The following SKAP1 variants were observed in gnomAD, a reference collection of about 807,000 sequenced individuals.
SKAP1 encodes the protein src kinase-associated phosphoprotein 1.
A neutral mutation model predicts 58.5 loss-of-function variants in SKAP1; 44 were observed. The observed-to-expected ratio is 0.75, with a 90% confidence interval of 0.59 to 0.97. The LOEUF (loss-of-function observed/expected upper bound fraction) is 0.97, where lower values mean the gene tolerates loss of function less well. SKAP1 is among the 50% of genes least tolerant of loss of function. The pLI, the probability that SKAP1 is intolerant of heterozygous loss-of-function variation, is 0.00. For synonymous variants in SKAP1, 127 were observed against 149.7 expected (o/e 0.85, Z 1.11); for missense variants, 390 against 435.2 (o/e 0.90, Z 0.92).
intron 4 of SKAP1, among the ~76,000 whole-genome samples, chr17:48,254,353 T>C (rs1256190545): frequency 3.3e-5 from 5 of 152,214 alleles, no homozygotes; most frequent in Non-Finnish European, 5.9e-5. Context: ...CATTATTAAT[T>C]GCCATTTACT....
At chr17:48,312,587 C>G (rs192974789) in intron 4 of SKAP1, among the ~76,000 whole-genome samples, 1 of 152,130 alleles carries the variant, frequency 6.6e-6, no homozygotes, top group Non-Finnish European at 1.5e-5. Context: ...CATGCAAGAG[C>G]TTATGGTCAA....
At chr17:48,254,716 A>G (rs2065404255) in intron 4 of SKAP1, among the ~76,000 whole-genome samples, 1 of 151,154 alleles carries the variant, frequency 6.6e-6, no homozygotes, top group South Asian at 2.1e-4. Context: ...GAAGAAAAGT[A>G]GATTTATTTA....
At chr17:48,226,126 T>G (rs1236370971) in intron 4 of SKAP1, among the ~76,000 whole-genome samples, 1 of 152,230 alleles carries the variant, frequency 6.6e-6, no homozygotes, top group African/African-American at 2.4e-5. Context: ...GCTGACAGCC[T>G]GTAATGGTAC....
At chr17:48,400,176 G>T (rs964307229) in intron 1 of SKAP1, among the ~76,000 whole-genome samples, 12 of 148,712 alleles carry the variant, frequency 8.1e-5, no homozygotes, top group Admixed American at 7.5e-4. Context: ...TCAGCTCACT[G>T]CAACCTCTGG....
the SKAP1 span, among the ~76,000 whole-genome samples, chr17:48,439,235 C>T: frequency 6.6e-6 from 1 of 152,212 alleles, no homozygotes; most frequent in African/African-American, 2.4e-5. Flanking sequence ...TGATATTTTG[C>T]ATCATGAGAC....
At chr17:48,145,819 C>T (rs888232703) in intron 11 of SKAP1, among the ~76,000 whole-genome samples, 1 of 152,136 alleles carries the variant, frequency 6.6e-6, no homozygotes, top group Non-Finnish European at 1.5e-5. Flanking sequence ...AATGACCATC[C>T]TGTCTTGGGA....
intron 4 of SKAP1, among the ~76,000 whole-genome samples, chr17:48,282,547 G>A (rs1262328553): frequency 1.3e-5 from 2 of 152,170 alleles, no homozygotes; most frequent in South Asian, 2.1e-4. Context: ...GCCAAGGCAG[G>A]AGGATTGCTT....
intron 4 of SKAP1, among the ~76,000 whole-genome samples, chr17:48,262,414 G>C (rs2065495544): frequency 6.6e-6 from 1 of 152,090 alleles, no homozygotes; most frequent in African/African-American, 2.4e-5. Context: ...GGTTTTTTGG[G>C]GGGGAAGTTT....
At chr17:48,147,087 G>A (rs938546875) in intron 11 of SKAP1, among the ~76,000 whole-genome samples, 12 of 152,148 alleles carry the variant, frequency 7.9e-5, no homozygotes, top group South Asian at 2.1e-4. Context: ...CCAAGTCTCC[G>A]TGGAACAAGA....
chr17:48,220,852 C>CAAA (rs56006389), intron 4 of SKAP1, among the ~76,000 whole-genome samples: 21 of 83,622 alleles, frequency 2.5e-4, no homozygotes, highest in African/African-American at 5.0e-4. Context: ...GACTCCATCT[C>CAAA]AAAAAAAAAA....
chr17:48,379,328 A>T (rs1348066696), intron 2 of SKAP1, among the ~76,000 whole-genome samples: 1 of 152,238 alleles, frequency 6.6e-6, no homozygotes, highest in Non-Finnish European at 1.5e-5. Flanking sequence ...TTACTGACAT[A>T]GATTAATTGA....
intron 4 of SKAP1, chr17:48,344,318 G>A (rs2144323105): frequency 2.2e-6 from 1 of 462,916 alleles, no homozygotes; most frequent in African/African-American, 2.1e-5. Flanking sequence ...AAGCTCTACT[G>A]TGGGCTGAGA....
intron 4 of SKAP1, among the ~76,000 whole-genome samples, chr17:48,273,677 C>G (rs997919207): frequency 2.0e-5 from 3 of 152,138 alleles, no homozygotes; most frequent in African/African-American, 4.8e-5. Context: ...CCTCGGCCCC[C>G]CAAAGTGCTG....
chr17:48,192,415 T>A (rs185133036), intron 4 of SKAP1, among the ~76,000 whole-genome samples: 188 of 152,342 alleles, frequency 1.2e-3, no homozygotes, highest in African/African-American at 4.3e-3. Context: ...CTCCTTTTTT[T>A]AATGCAAATT....
chr17:48,323,290 C>T (rs111278414), intron 4 of SKAP1, among the ~76,000 whole-genome samples: 1 of 151,024 alleles, frequency 6.6e-6, no homozygotes, highest in African/African-American at 2.4e-5. Context: ...TATCAATCAC[C>T]AGAAAGAGAA....
intron 4 of SKAP1, among the ~76,000 whole-genome samples, chr17:48,214,814 TG>T (rs1370636390): frequency 6.6e-6 from 1 of 151,462 alleles, no homozygotes; most frequent in African/African-American, 2.4e-5. Context: ...CCCAGCTACT[TG>T]GGAGGCTGAG....
chr17:48,144,799 C>A (rs2063808646), intron 11 of SKAP1, among the ~76,000 whole-genome samples: 1 of 152,176 alleles, frequency 6.6e-6, no homozygotes, highest in African/African-American at 2.4e-5. Context: ...AGTCTGATTT[C>A]TCTTTGCCCA....
At chr17:48,212,275 G>A (rs2064882652) in intron 4 of SKAP1, among the ~76,000 whole-genome samples, 1 of 151,992 alleles carries the variant, frequency 6.6e-6, no homozygotes, top group Non-Finnish European at 1.5e-5. Flanking sequence ...TGTGGTCCAA[G>A]AATCATAACA....
chr17:48,303,942 G>A (rs1380619529), intron 4 of SKAP1, among the ~76,000 whole-genome samples: 2 of 152,174 alleles, frequency 1.3e-5, no homozygotes, highest in African/African-American at 2.4e-5. Context: ...ATCATAATAT[G>A]TGTGAGATTT....
Sources: allele counts gnomAD v4.1 joint callset (sites outside exome capture counted in the v4.1 genomes callset), GRCh38; gene constraint gnomAD v4.1.1; transcripts MANE v1.5; gene names NCBI Gene and HGNC (gene_info 2026-07-23, HGNC 2026-07-21).